The following TSPAN9 variants were observed in gnomAD, a reference collection of about 807,000 sequenced individuals.
The protein encoded by TSPAN9 is tetraspanin 9.
Under a neutral mutation model 31.0 loss-of-function variants are expected in TSPAN9, and 16 were observed. The ratio of observed to expected loss-of-function variants is 0.52; its 90% CI spans 0.35 to 0.78. TSPAN9 has a LOEUF of 0.78. Among genes scored for constraint, TSPAN9 ranks in the 30% least tolerant of loss-of-function variants. TSPAN9 has a pLI of 0.01. For missense variants in TSPAN9, 272 were observed against 312.5 expected (o/e 0.87, Z 0.98); for synonymous variants, 145 against 121.6 (o/e 1.19, Z -1.27).
chr12:3,193,250 G>A (rs1348526648), intron 2 of TSPAN9, among the ~76,000 whole-genome samples: 3 of 152,172 alleles, frequency 2.0e-5, no homozygotes, highest in East Asian at 3.9e-4. Context: ...AGGCATCTGA[G>A]CCCAGCTGAC....
At chr12:3,245,663 G>A (rs1056999342) in intron 3 of TSPAN9, among the ~76,000 whole-genome samples, 1 of 152,200 alleles carries the variant, frequency 6.6e-6, no homozygotes, top group Non-Finnish European at 1.5e-5. Context: ...ATAAGAGGGG[G>A]TGGTGGAGGC....
chr12:3,282,731 G>A (rs941341205), intron 8 of TSPAN9, among the ~76,000 whole-genome samples: 2 of 152,136 alleles, frequency 1.3e-5, no homozygotes, highest in Non-Finnish European at 2.9e-5. Flanking sequence ...GAGCCCCCAC[G>A]TAGAGCCAGG....
intron 2 of TSPAN9, among the ~76,000 whole-genome samples, chr12:3,136,462 C>A (rs1440833748): frequency 6.6e-6 from 1 of 152,192 alleles, no homozygotes; most frequent in African/African-American, 2.4e-5. Flanking sequence ...CTGGGGGATC[C>A]TCTTTTTTGC....
At chr12:3,193,711 C>T (rs1336264496) in intron 2 of TSPAN9, among the ~76,000 whole-genome samples, 1 of 152,226 alleles carries the variant, frequency 6.6e-6, no homozygotes, top group African/African-American at 2.4e-5. Flanking sequence ...CGTGGAGCCC[C>T]TCCAAGAGGC....
intron 2 of TSPAN9, among the ~76,000 whole-genome samples, chr12:3,099,837 A>G (rs920734318): frequency 9.7e-5 from 12 of 123,930 alleles, no homozygotes; most frequent in Non-Finnish European, 1.4e-4. Flanking sequence ...AGGTCTGTCC[A>G]CTCTTTTTTT....
intron 3 of TSPAN9, chr12:3,273,224 C>T (rs939920644): frequency 3.3e-5 from 5 of 152,262 alleles, no homozygotes; most frequent in Non-Finnish European, 5.9e-5. Context: ...AAATCCTGGC[C>T]CTCAAGGAGG....
At chr12:3,218,249 G>T (rs1440471699) in intron 3 of TSPAN9, among the ~76,000 whole-genome samples, 1 of 152,166 alleles carries the variant, frequency 6.6e-6, no homozygotes, top group Non-Finnish European at 1.5e-5. Context: ...CTTCCTCGGG[G>T]CAGGGAGCAA....
In TSPAN9 at chr12:3,204,002, C is replaced by T. The variant is rs1010178083; in HGVS notation, c.63+2746C>T. Among the ~76,000 whole-genome samples, 37 of 152,116 alleles carry T rather than the reference C, an allele frequency of 2.4e-4. 1 individual carries two copies. The highest frequency in any genetic ancestry group is 5.9e-5 in the Non-Finnish European group (4 of 68,018). On this transcript the variant is annotated intron_variant, in intron 3 of 8. Transcript: ENST00000011898. ...AGGTGGGGTGTTGATGAGTCAGGGT[C>T]CCTGGGAGGCCTCTGTTGCTGTCTT...
At position 3,282,001 on chromosome 12, in the gene TSPAN9, C is replaced by T. The variant is rs975937720; in HGVS notation, c.648+184C>T. The T allele has an allele frequency of 5.3e-6, 4 of 761,480 alleles. No homozygotes were observed. The African/African-American group carries it at 6.9e-5, about 13-fold the overall frequency. 47.2% of individuals were successfully genotyped at this position (761,480 alleles called of 1,614,324 possible). A position where few individuals can be genotyped will look rare whatever the true frequency, so the allele number is the denominator to read the frequency against. On this transcript the variant is annotated intron_variant, in intron 8 of 8. Coordinates refer to ENST00000011898, the MANE Select transcript of TSPAN9 (RefSeq NM_006675.5). Reference sequence around the variant, plus strand: ...AGAGCTCTGATATGAGAGCACGTGTCTACTCAGCACTGAGAGTGGTGCTCA... The same window carrying T: ...AGAGCTCTGATATGAGAGCACGTGTTTACTCAGCACTGAGAGTGGTGCTCA...
At chr12:3,161,840 G>A (rs1191847911) in intron 2 of TSPAN9, among the ~76,000 whole-genome samples, 2 of 151,924 alleles carry the variant, frequency 1.3e-5, no homozygotes, top group Non-Finnish European at 2.9e-5. Context: ...TTTAGAGATA[G>A]GGTCTCACTC....
intron 3 of TSPAN9, among the ~76,000 whole-genome samples, chr12:3,259,120 A>G (rs16930366): frequency 0.015 from 2,270 of 152,284 alleles, 54 homozygotes; most frequent in African/African-American, 0.05. Flanking sequence ...TATCATTTTC[A>G]TTTTGTATGT....
Position 3,216,500 on chromosome 12 carries a change from G to A in TSPAN9, c.63+15244G>A, listed in dbSNP as rs897221554. 5.3e-5 allele frequency among the ~76,000 whole-genome samples: 8 copies of A among 152,146 alleles called. 1 individual carries two copies. Among genetic ancestry groups the A allele is most frequent in the East Asian group, 1.9e-4 (1 of 5,180 alleles). The stretch of plus-strand genomic sequence containing the variant: ...AAGCCTCCCTTTTACCAGGATTTTC[G>A]TACCGTCTCAAAGCACCCAAAGCTC... On this transcript the variant is annotated intron_variant, in intron 3 of 8. Transcript: ENST00000011898.
intron 3 of TSPAN9, among the ~76,000 whole-genome samples, chr12:3,277,597 C>T (rs1425163404): frequency 3.9e-5 from 6 of 152,168 alleles, no homozygotes; most frequent in South Asian, 4.1e-4. Context: ...CATGAGCTGG[C>T]GGAGGGAGTC....
At chr12:3,131,147 G>A (rs1354614478) in intron 2 of TSPAN9, among the ~76,000 whole-genome samples, 3 of 143,058 alleles carry the variant, frequency 2.1e-5, no homozygotes, top group Admixed American at 7.0e-5. Context: ...AAAAGAAACC[G>A]GATGTTTATG....
At chr12:3,256,138 G>A (rs1380085869) in intron 3 of TSPAN9, among the ~76,000 whole-genome samples, 2 of 152,174 alleles carry the variant, frequency 1.3e-5, no homozygotes, top group Non-Finnish European at 2.9e-5. Flanking sequence ...TGGGTTGTCA[G>A]GAGCCAGAGA....
chr12:3,131,758 CA>C (rs149460167), intron 2 of TSPAN9, among the ~76,000 whole-genome samples: 6,747 of 152,228 alleles, frequency 0.044, 484 homozygotes, highest in African/African-American at 0.15. Flanking sequence ...TTTTTAAAAA[CA>C]TTTTTTTTCT....
At chr12:3,269,468 C>T (rs1862626577) in intron 3 of TSPAN9, among the ~76,000 whole-genome samples, 1 of 145,828 alleles carries the variant, frequency 6.9e-6, no homozygotes, top group South Asian at 2.3e-4. Context: ...CTGTGCGTTC[C>T]TGCAGCCTGC....
In TSPAN9 at chr12:3,199,506, G is replaced by C. The variant is rs148728114; in HGVS notation, c.-17-1671G>C. Among the ~76,000 whole-genome samples, 19 of 152,346 alleles carry C rather than the reference G, an allele frequency of 1.2e-4. No individual in the cohort carries two copies. In the East Asian group the frequency reaches 3.7e-3, roughly 29 times the overall value. Reference sequence around the variant, plus strand: ...GTTCCCAAGCCCCGAGCAAAAGCTCGTTTCTCTGACCTCACGGGAGAGCAC... The same window carrying C: ...GTTCCCAAGCCCCGAGCAAAAGCTCCTTTCTCTGACCTCACGGGAGAGCAC... On this transcript the variant is annotated intron_variant, in intron 2 of 8. Transcript: ENST00000011898.
Position 3,138,645 on chromosome 12 carries a change from A to G in TSPAN9, c.-18+54926A>G, listed in dbSNP as rs139365753. Among the ~76,000 whole-genome samples the G allele has an allele frequency of 4.7e-3, 715 of 151,214 alleles. 16 individuals are homozygous for G. The highest frequency in any genetic ancestry group is 3.1e-3 in the Non-Finnish European group (212 of 67,876). On this transcript the variant is annotated intron_variant, in intron 2 of 8. Transcript: ENST00000011898. ...ATATCCGCCATACAAAAAAAAAAAA[A>G]GGACTTTTTTTTCCTTTTTTTGTAT... is the stretch of plus-strand genomic sequence containing the variant.
Sources: gnomAD v4.1 joint callset for allele counts (sites outside exome capture counted in the v4.1 genomes callset) on GRCh38, gnomAD v4.1.1 for gene constraint, MANE v1.5 for transcripts, NCBI Gene and HGNC (gene_info 2026-07-23, HGNC 2026-07-21) for gene names.